The following KMT2C variants were observed in gnomAD, a reference collection of about 807,000 sequenced individuals.
KMT2C encodes the protein lysine methyltransferase 2C.
Under a neutral mutation model 507.9 loss-of-function variants are expected in KMT2C, and 88 were observed. That is an observed-to-expected ratio of 0.17 (90% confidence interval 0.15 to 0.21). KMT2C has a LOEUF of 0.21. Among genes scored for constraint, KMT2C ranks in the 10% least tolerant of loss-of-function variants. The pLI, the probability that KMT2C is intolerant of heterozygous loss-of-function variation, is 1.00. For synonymous variants in KMT2C, 2,049 were observed against 2,080.8 expected (o/e 0.98, Z 0.42); for missense variants, 4,954 against 5,957.8 (o/e 0.83, Z 5.55).
chr7:152,356,892 A>G (rs1033194053), intron 2 of KMT2C, among the ~76,000 whole-genome samples: 1 of 92,356 alleles, frequency 1.1e-5, no homozygotes, highest in African/African-American at 3.8e-5. Context: ...ACTCCAACTC[A>G]AAAAGAATAA....
chr7:152,216,160 G>A (rs2094578242), intron 23 of KMT2C, among the ~76,000 whole-genome samples: 2 of 152,276 alleles, frequency 1.3e-5, no homozygotes, highest in Middle Eastern at 6.8e-3. Context: ...ACCACCAGTT[G>A]AGAGGAAATG....
In KMT2C at chr7:152,351,708, G is replaced by A. The variant is rs10266844; in HGVS notation, c.250+6879C>T. Among the ~76,000 whole-genome samples, 1,415 of 152,166 alleles carry A rather than the reference G, an allele frequency of 9.3e-3. 27 individuals carry two copies. The highest frequency in any genetic ancestry group is 0.033 in the African/African-American group (1,357 of 41,518). On this transcript the variant is annotated intron_variant, in intron 2 of 58. Coordinates refer to ENST00000262189, the MANE Select transcript of KMT2C (RefSeq NM_170606.3). Reference sequence around the variant, plus strand: ...AAATAATACTTTTATAATTTCTTACGCCTGTCTTTACTGTAATCTCTGAAC... The same window carrying A: ...AAATAATACTTTTATAATTTCTTACACCTGTCTTTACTGTAATCTCTGAAC...
chr7:152,424,688 T>C (rs939080368), intron 1 of KMT2C, among the ~76,000 whole-genome samples: 5 of 152,128 alleles, frequency 3.3e-5, no homozygotes, highest in Admixed American at 6.6e-5. Context: ...CCTCCCAGAG[T>C]GCTGGGACTG....
intron 36 of KMT2C, among the ~76,000 whole-genome samples, chr7:152,180,510 T>C (rs2093396745): frequency 6.6e-6 from 1 of 152,356 alleles, no homozygotes; most frequent in South Asian, 2.1e-4. Flanking sequence ...CCCTGCGAAT[T>C]CGTGAAAACT....
chr7:152,383,268 G>A (rs1423763318), intron 1 of KMT2C, among the ~76,000 whole-genome samples: 2 of 152,110 alleles, frequency 1.3e-5, no homozygotes, highest in Non-Finnish European at 2.9e-5. Context: ...AATTTTTTCT[G>A]ATTTAGTAAA....
intron 6 of KMT2C, among the ~76,000 whole-genome samples, chr7:152,283,661 G>A (rs1444730171): frequency 6.6e-6 from 1 of 152,136 alleles, no homozygotes; most frequent in Non-Finnish European, 1.5e-5. Flanking sequence ...AGGTGAACCA[G>A]ATTCTGGTTG....
In KMT2C at chr7:152,164,569, G is replaced by A. The variant is rs985349986; in HGVS notation, c.9751-743C>T. 3.9e-5 allele frequency among the ~76,000 whole-genome samples: 6 copies of A among 152,106 alleles called. No homozygotes were observed. In the South Asian group the frequency reaches 6.2e-4, roughly 16 times the overall value. ...CTCCCAAAGTGCTGGGATTACAGGC[G>A]TGAGCCACTGCGCCCGGCCTGTACA... On this transcript the variant is annotated intron_variant, in intron 42 of 58. Transcript: ENST00000262189.
At position 152,158,896 on chromosome 7, in the gene KMT2C, G is replaced by A. The variant is rs2092275922; in HGVS notation, c.11637C>T (p.Tyr3879=). The change falls in exon 44 of 59, where the codon TAC becomes TAT. Residue 3879 remains tyrosine (Y), a synonymous_variant. Transcript: ENST00000262189. ...KKDEEEKQAM[Y]SSTDTFTHLK... ...AGTGGGTAAACGTGTCAGTGCTAGA[G>A]TACATAGCTTGTTTCTCCTCTTCGT... The A allele has an allele frequency of 6.2e-7, 1 of 1,614,168 alleles. No individual in the cohort carries two copies. Among genetic ancestry groups the A allele is most frequent in the Non-Finnish European group, 8.5e-7 (1 of 1,180,006 alleles).
intron 23 of KMT2C, among the ~76,000 whole-genome samples, chr7:152,212,992 G>A (rs532746514): frequency 1.3e-5 from 2 of 152,352 alleles, no homozygotes; most frequent in East Asian, 1.9e-4. Flanking sequence ...AGGTTGCAGT[G>A]AGCGGAGATC....
rs2129121437 is a variant in KMT2C, at chr7:152,182,995, T to C, written c.5244A>G (p.Glu1748=). The C allele has an allele frequency of 6.3e-7, 1 of 1,598,806 alleles. No individual in the cohort carries two copies. Among genetic ancestry groups the C allele is most frequent in the Non-Finnish European group, 8.5e-7 (1 of 1,176,052 alleles). ...ATACCTGTCTAAATTTCCATTCCTGTTCATGTTCTGATTCTCTTTGCTTTA... is the reference window on the plus strand; with the variant it reads ...ATACCTGTCTAAATTTCCATTCCTGCTCATGTTCTGATTCTCTTTGCTTTA... ...DPLKQRESEH[E]QEWKFRQQMR... The change falls in exon 35 of 59, where the codon GAA becomes GAG. Residue 1748 remains glutamate, a synonymous_variant. Transcript: ENST00000262189.
At chr7:152,290,271 TATATATATATATATATATA>T (rs2096395098) in intron 6 of KMT2C, among the ~76,000 whole-genome samples, 14 of 29,972 alleles carry the variant, frequency 4.7e-4, no homozygotes, top group Non-Finnish European at 6.9e-4. Context: ...TATATATATA[TATATATATATATATATATA>T]TATATTTTTT....
At chr7:152,434,850 G>A (rs1269809798) in intron 1 of KMT2C, among the ~76,000 whole-genome samples, 2 of 152,290 alleles carry the variant, frequency 1.3e-5, no homozygotes, top group African/African-American at 2.4e-5. Context: ...ACTTACGAGG[G>A]AAGCGACATT....
chr7:152,426,568 T>TTTC (rs143481093), intron 1 of KMT2C, among the ~76,000 whole-genome samples: 3,910 of 152,238 alleles, frequency 0.026, 68 homozygotes, highest in Middle Eastern at 0.078. Context: ...GTGAGTTTGG[T>TTTC]TTCTAATCAC....
rs2129137282 is a variant in KMT2C, at chr7:152,205,129, T to A, written c.3938A>T (p.Glu1313Val). 7 of 1,612,894 alleles carry A rather than the reference T, an allele frequency of 4.3e-6. No homozygotes were observed. Among genetic ancestry groups the A allele is most frequent in the Non-Finnish European group, 5.9e-6 (7 of 1,179,328 alleles). Residue 1313 changes from glutamate to valine, a missense_variant, in exon 25 of 59, where the codon GAG (glutamate) becomes GTG (valine). Glu to Val is a moderately radical substitution (Grantham distance 121). Around this residue, in one of 29 missense-constraint regions of KMT2C, gnomAD observed 176 missense variants for 262.0 expected, o/e 0.67. Transcript: ENST00000262189. ...IRKDSSGSISEQLPCRDDGWS... is the reference protein window; with the variant it reads ...IRKDSSGSISVQLPCRDDGWS... ...ACCATCATCTCTGCAAGGTAACTGCTCGGAAATAGAGCCTGAGGAATCTTT... is the reference window on the plus strand; with the variant it reads ...ACCATCATCTCTGCAAGGTAACTGCACGGAAATAGAGCCTGAGGAATCTTT...
At chr7:152,284,388 TA>T (rs2096265326) in intron 6 of KMT2C, among the ~76,000 whole-genome samples, 1 of 152,132 alleles carries the variant, frequency 6.6e-6, no homozygotes, top group Non-Finnish European at 1.5e-5. Context: ...CTGGAACTGC[TA>T]AATAATCCGT....
chr7:152,164,394 A>G (rs1023096308), intron 42 of KMT2C, among the ~76,000 whole-genome samples: 1 of 149,482 alleles, frequency 6.7e-6, no homozygotes, highest in Non-Finnish European at 1.5e-5. Flanking sequence ...GGTTCACGCC[A>G]TTCTCCTGCC....
rs1335880514 is a variant in KMT2C, at chr7:152,266,853, G to A, written c.1013-1644C>T. Among the ~76,000 whole-genome samples, 9 of 152,424 alleles carry A rather than the reference G, an allele frequency of 5.9e-5. No homozygotes were observed. The South Asian group carries it at 1.4e-3, about 25-fold the overall frequency. On this transcript the variant is annotated intron_variant, in intron 7 of 58. Coordinates refer to ENST00000262189, the MANE Select transcript of KMT2C (RefSeq NM_170606.3). ...TGTGGACGCTGGCTGGACCTCTGACGTACTTCATGAAGGCTGGCTTAGCAC... is the reference window on the plus strand; with the variant it reads ...TGTGGACGCTGGCTGGACCTCTGACATACTTCATGAAGGCTGGCTTAGCAC...
At chr7:152,435,358 G>A (rs1338789656) in intron 1 of KMT2C, among the ~76,000 whole-genome samples, 3 of 151,830 alleles carry the variant, frequency 2.0e-5, no homozygotes, top group African/African-American at 7.2e-5. Context: ...AGAAGACCCA[G>A]TGAAAAGGCC....
At chr7:152,410,705 T>C (rs929604058) in intron 1 of KMT2C, among the ~76,000 whole-genome samples, 1 of 151,170 alleles carries the variant, frequency 6.6e-6, no homozygotes, top group African/African-American at 2.4e-5. Context: ...ATATATAATA[T>C]ATACATCTCA....
Sources: gnomAD v4.1 joint callset for allele counts (sites outside exome capture counted in the v4.1 genomes callset) on GRCh38, gnomAD v4.1.1 for gene constraint, gnomAD v4.1.1 regional missense constraint, MANE v1.5 for transcripts, NCBI Gene and HGNC (gene_info 2026-07-23, HGNC 2026-07-21) for gene names.